The following CAPN5 variants were observed in gnomAD, a reference collection of about 807,000 sequenced individuals.
CAPN5 encodes calpain-5.
In CAPN5, 54 loss-of-function variants were observed where a neutral mutation model predicts 73.0. The ratio of observed to expected loss-of-function variants is 0.74; its 90% CI spans 0.59 to 0.93. CAPN5 has a LOEUF of 0.93. Among genes scored for constraint, CAPN5 ranks in the 40% least tolerant of loss-of-function variants. CAPN5 has a pLI of 0.00. For synonymous variants in CAPN5, 335 were observed against 356.9 expected, an observed-to-expected ratio of 0.94 and a Z score of 0.69; for missense variants, 785 against 882.9, an observed-to-expected ratio of 0.89 and a Z score of 1.41.
intron 2 of CAPN5, among the ~76,000 whole-genome samples, chr11:77,086,121 G>T (rs1244525201): frequency 1.3e-5 from 2 of 152,214 alleles, no homozygotes; most frequent in Non-Finnish European, 2.9e-5. Context: ...CAGATCTGGG[G>T]CCAAGATGCT....
At chr11:77,112,921 G>T in intron 4 of CAPN5, 124 bp downstream of exon 4, 1 of 914,594 alleles carries the variant, frequency 1.1e-6, no homozygotes, top group East Asian at 2.6e-5. Context: ...GTGCAGGCAC[G>T]CAGCAGGCTC....
chr11:77,072,973 C>G lies in CAPN5; in HGVS notation c.-36+5879C>G, dbSNP rs113966875. 2.6e-4 allele frequency: 185 copies of G among 705,062 alleles called. 1 individual carries two copies. In the African/African-American group the frequency reaches 3.1e-3, roughly 12 times the overall value. 43.7% of individuals were successfully genotyped at this position (705,062 alleles called of 1,614,324 possible). On this transcript the variant is annotated intron_variant, in intron 1 of 12. Transcript: ENST00000648180. The stretch of plus-strand genomic sequence containing the variant: ...GCAGAGGTGGCTTCAGTGACCTGAT[C>G]AAGTCCCATTTTGTTAGGTTGTCTC...
intron 1 of CAPN5, among the ~76,000 whole-genome samples, chr11:77,079,233 C>T (rs922938406): frequency 2.0e-5 from 3 of 152,034 alleles, no homozygotes; most frequent in Non-Finnish European, 4.4e-5. Context: ...GGACTACAGG[C>T]ATGCACCATC....
intron 2 of CAPN5, among the ~76,000 whole-genome samples, chr11:77,092,872 C>G (rs1040552305): frequency 3.3e-5 from 5 of 152,142 alleles, no homozygotes; most frequent in Non-Finnish European, 2.9e-5. Context: ...GAAGGTGAGG[C>G]AGGAGAATTG....
At chr11:77,093,254 C>T (rs984923472) in intron 2 of CAPN5, among the ~76,000 whole-genome samples, 1 of 152,228 alleles carries the variant, frequency 6.6e-6, no homozygotes, top group African/African-American at 2.4e-5. Context: ...ACCCCCACCC[C>T]ACTTGAACCT....
In CAPN5 at chr11:77,124,086, T is replaced by A; in HGVS notation, c.*216T>A. 3.5e-6 allele frequency: 2 copies of A among 577,190 alleles called. No individual in the cohort carries two copies. Among genetic ancestry groups the A allele is most frequent in the South Asian group, 2.2e-5 (1 of 46,022 alleles). 35.8% of individuals were successfully genotyped at this position (577,190 alleles called of 1,614,324 possible). A position where few individuals can be genotyped will look rare whatever the true frequency, so the allele number is the denominator to read the frequency against. ...TCGTGGAGGAGTTTCCTTGCTGAGATTTCAAATAGTCCTCCCCACCTCAAC... is the reference window on the plus strand; with the variant it reads ...TCGTGGAGGAGTTTCCTTGCTGAGAATTCAAATAGTCCTCCCCACCTCAAC... On this transcript the variant is annotated 3_prime_UTR_variant, in exon 13 of 13. Coordinates refer to ENST00000648180, the MANE Select transcript of CAPN5 (RefSeq NM_004055.5).
intron 2 of CAPN5, among the ~76,000 whole-genome samples, chr11:77,090,980 C>T (rs1198886567): frequency 6.6e-6 from 1 of 152,178 alleles, no homozygotes; most frequent in African/African-American, 2.4e-5. Context: ...GTTTCCTAGA[C>T]CTGTGCTCTG....
In CAPN5 at chr11:77,116,248, A is replaced by T; in HGVS notation, c.916A>T (p.Ser306Cys). 1 of 1,613,434 alleles carries T rather than the reference A, an allele frequency of 6.2e-7. No homozygotes were observed. Among genetic ancestry groups the T allele is most frequent in the Non-Finnish European group, 8.5e-7 (1 of 1,179,760 alleles). The change falls in exon 7 of 13, where the codon AGC becomes TGC. Residue 306 changes from serine to cysteine, a missense_variant. By Grantham distance (112) the Ser-to-Cys change is moderately radical (BLOSUM62 -1). Transcript: ENST00000648180. Reference sequence around the variant, plus strand: ...CAGCTCGGAGGAGTGGCAGAAAGTGAGCAAGAGTGAGCGGGAGAAGATGGG... The same window carrying T: ...CAGCTCGGAGGAGTGGCAGAAAGTGTGCAAGAGTGAGCGGGAGAAGATGGG... Reference protein sequence around the residue: ...SDTSEEWQKVSKSEREKMGVT... With the variant: ...SDTSEEWQKVCKSEREKMGVT...
intron 1 of CAPN5, among the ~76,000 whole-genome samples, chr11:77,073,879 C>A (rs1010100010): frequency 6.6e-6 from 1 of 152,182 alleles, no homozygotes; most frequent in Non-Finnish European, 1.5e-5. Context: ...GAGCCCAGAG[C>A]TCTGGGTGGC....
intron 3 of CAPN5, among the ~76,000 whole-genome samples, chr11:77,101,234 C>A (rs1555038787): frequency 6.6e-6 from 1 of 152,206 alleles, no homozygotes; most frequent in Non-Finnish European, 1.5e-5. Context: ...AGAGTAATGA[C>A]AAGACACACT....
At chr11:77,099,704 CCGTGGGGAGAGGGAGAGGGAGACGGAGAG>C in intron 3 of CAPN5, among the ~76,000 whole-genome samples, 1 of 135,490 alleles carries the variant, frequency 7.4e-6, no homozygotes, top group East Asian at 2.1e-4. Context: ...GAGAGGGAGA[CCGTGGGGAGAGGGAGAGGGAGACGGAGAG>C]GGAGAGGGAG....
At chr11:77,077,983 A>C (rs1381696057) in intron 1 of CAPN5, among the ~76,000 whole-genome samples, 1 of 152,150 alleles carries the variant, frequency 6.6e-6, no homozygotes, top group Non-Finnish European at 1.5e-5. Context: ...TCAGATGGCT[A>C]GTTTGCAAAC....
chr11:77,069,796 C>G (rs1163527311), intron 1 of CAPN5, among the ~76,000 whole-genome samples: 1 of 152,234 alleles, frequency 6.6e-6, no homozygotes, highest in African/African-American at 2.4e-5. Flanking sequence ...TCAGAGAACT[C>G]TTCTGCCTCT....
At chr11:77,079,379 A>G (rs1047125747) in intron 1 of CAPN5, among the ~76,000 whole-genome samples, 1 of 152,020 alleles carries the variant, frequency 6.6e-6, no homozygotes, top group Non-Finnish European at 1.5e-5. Context: ...CTGCTTTTCT[A>G]TTTTATTTAA....
intron 6 of CAPN5, among the ~76,000 whole-genome samples, chr11:77,115,965 C>A (rs1370404581): frequency 6.6e-6 from 1 of 151,970 alleles, no homozygotes; most frequent in Non-Finnish European, 1.5e-5. Context: ...GGGGGTCGCA[C>A]CCCCCTTCCC....
At chr11:77,069,781 T>A (rs1949883660) in intron 1 of CAPN5, among the ~76,000 whole-genome samples, 1 of 152,200 alleles carries the variant, frequency 6.6e-6, no homozygotes, top group Admixed American at 6.5e-5. Flanking sequence ...ACCTCTCAAG[T>A]GCCCTCAGAG....
chr11:77,073,644 G>A (rs954893253), intron 1 of CAPN5, among the ~76,000 whole-genome samples: 1 of 152,222 alleles, frequency 6.6e-6, no homozygotes, highest in Non-Finnish European at 1.5e-5. Flanking sequence ...GGCCCTGCCC[G>A]CAAGGCCCTC....
At chr11:77,076,419 G>A (rs1452562324) in intron 1 of CAPN5, among the ~76,000 whole-genome samples, 2 of 152,166 alleles carry the variant, frequency 1.3e-5, no homozygotes, top group African/African-American at 2.4e-5. Flanking sequence ...TTGTCACCAT[G>A]TTACAATCAA....
chr11:77,077,702 A>G (rs1478943465), intron 1 of CAPN5, among the ~76,000 whole-genome samples: 1 of 151,838 alleles, frequency 6.6e-6, no homozygotes, highest in Non-Finnish European at 1.5e-5. Context: ...TTTAGTAGAG[A>G]TGGGGTTTCG....
Sources: gnomAD v4.1 joint callset for allele counts (sites outside exome capture counted in the v4.1 genomes callset) on GRCh38, gnomAD v4.1.1 for gene constraint, MANE v1.5 for transcripts, NCBI Gene and HGNC (gene_info 2026-07-23, HGNC 2026-07-21) for gene names.